TMEM272: variants seen among roughly 807,000 people sequenced by gnomAD.
The protein encoded by TMEM272 is transmembrane protein 272.
TMEM272 carries 8 observed loss-of-function variants against 3.7 expected under a neutral mutation model. The ratio of observed to expected loss-of-function variants is 2.17; its 90% CI spans 1.27 to 3.91. The LOEUF is 3.91. TMEM272 is among the 30% of genes most tolerant of loss of function. The pLI, the probability that TMEM272 is intolerant of heterozygous loss-of-function variation, is 0.00. For missense variants in TMEM272, 166 were observed against 91.5 expected, an observed-to-expected ratio of 1.81 and a Z score of -3.32; for synonymous variants, 63 against 39.8, an observed-to-expected ratio of 1.58 and a Z score of -2.20.
intron 1 of TMEM272, among the ~76,000 whole-genome samples, 156 bp from the exon 2 acceptor site, chr13:51,838,709 G>A (rs1261741688): frequency 6.6e-6 from 1 of 152,126 alleles, no homozygotes; most frequent in Admixed American, 6.5e-5. Context: ...CTTGTTAGTG[G>A]TTAGCGGGGC....
chr13:51,865,754 C>T, the TMEM272 span: 35,642 of 1,613,954 alleles, frequency 0.022, 1,701 homozygotes, highest in African/African-American at 0.18. Flanking sequence ...GAAAAAGTAC[C>T]GCACTTTCTG....
chr13:51,860,845 A>G, the TMEM272 span, among the ~76,000 whole-genome samples: 1 of 111,610 alleles, frequency 9.0e-6, no homozygotes, highest in East Asian at 3.2e-4. Flanking sequence ...GTGTGTATAT[A>G]TATGTATATA....
At chr13:51,859,381 A>G in the TMEM272 span, among the ~76,000 whole-genome samples, 1 of 152,100 alleles carries the variant, frequency 6.6e-6, no homozygotes, top group Non-Finnish European at 1.5e-5. Flanking sequence ...TGAGAAGGCC[A>G]TAATCTCTCA....
At chr13:51,899,504 G>C in the TMEM272 span, among the ~76,000 whole-genome samples, 2 of 151,044 alleles carry the variant, frequency 1.3e-5, no homozygotes, top group Admixed American at 6.6e-5. Context: ...ATTAAAGAAG[G>C]CCTAAATAAG....
the TMEM272 span, among the ~76,000 whole-genome samples, chr13:51,882,240 ATAAT>A: frequency 1.3e-5 from 2 of 152,328 alleles, no homozygotes; most frequent in African/African-American, 4.8e-5. Flanking sequence ...GCTGTTTTCA[ATAAT>A]TAATATATAC....
chr13:51,911,080 A>T, the TMEM272 span, among the ~76,000 whole-genome samples: 6,776 of 152,322 alleles, frequency 0.044, 216 homozygotes, highest in Middle Eastern at 0.068. Context: ...AGCAGTAGCT[A>T]ACTGAAATAC....
At chr13:51,884,458 T>A in the TMEM272 span, among the ~76,000 whole-genome samples, 1 of 152,230 alleles carries the variant, frequency 6.6e-6, no homozygotes, top group Admixed American at 6.5e-5. Context: ...TGAACAAATA[T>A]GTGAAATGAA....
At chr13:51,820,935 T>C (rs548099180) in intron 4 of TMEM272, among the ~76,000 whole-genome samples, 1 of 152,318 alleles carries the variant, frequency 6.6e-6, no homozygotes, top group African/African-American at 2.4e-5. Flanking sequence ...ACAGTGAGGT[T>C]ACCTCAAACA....
chr13:51,851,974 T>C, the TMEM272 span, among the ~76,000 whole-genome samples: 1 of 152,258 alleles, frequency 6.6e-6, no homozygotes, highest in African/African-American at 2.4e-5. Context: ...AGTATCTTTC[T>C]GTAATTGTGT....
At chr13:51,894,572 G>A in the TMEM272 span, among the ~76,000 whole-genome samples, 1 of 152,176 alleles carries the variant, frequency 6.6e-6, no homozygotes, top group Non-Finnish European at 1.5e-5. Flanking sequence ...TACAGCTGCA[G>A]GGTGAGAAGC....
the TMEM272 span, among the ~76,000 whole-genome samples, chr13:51,927,744 C>T: frequency 6.6e-6 from 1 of 152,198 alleles, no homozygotes; most frequent in Non-Finnish European, 1.5e-5. Flanking sequence ...CAGATGCTCC[C>T]TGAGAGCTTT....
In TMEM272 at chr13:51,839,155, G is replaced by A. The variant is rs192874097; in HGVS notation, c.-23-602C>T. 3.0e-3 allele frequency among the ~76,000 whole-genome samples: 457 copies of A among 152,208 alleles called. 6 individuals carry two copies. Among genetic ancestry groups the A allele is most frequent in the Admixed American group, 0.027 (411 of 15,286 alleles). ...GAGCAGCCTGGGTGGAGACCCGAGCGGCCTGGAGCACCACCCCGGCTCCCC... is the reference window on the plus strand; with the variant it reads ...GAGCAGCCTGGGTGGAGACCCGAGCAGCCTGGAGCACCACCCCGGCTCCCC... On this transcript the variant is annotated intron_variant, in intron 1 of 4. Transcript: ENST00000629372.
chr13:51,823,253 T>C (rs1285470806), intron 3 of TMEM272, among the ~76,000 whole-genome samples: 1 of 152,218 alleles, frequency 6.6e-6, no homozygotes, highest in Non-Finnish European at 1.5e-5. Flanking sequence ...TAATTCTTTT[T>C]TTCTTGTAGA....
chr13:51,918,334 C>T, the TMEM272 span, among the ~76,000 whole-genome samples: 1 of 152,210 alleles, frequency 6.6e-6, no homozygotes, highest in African/African-American at 2.4e-5. Context: ...GTGACTGACA[C>T]TTCCCGCTTT....
rs1328698442 is a variant in TMEM272 at position 51,815,876 on chromosome 13, A to G, written c.*875T>C. The G allele has an allele frequency of 6.6e-6, 1 of 152,214 alleles. No homozygotes were observed. The highest frequency in any genetic ancestry group is 6.5e-5 in the Admixed American group (1 of 15,282). 9.4% of individuals were successfully genotyped at this position (152,214 alleles called of 1,614,324 possible). On this transcript the variant is annotated 3_prime_UTR_variant, in exon 5 of 5. Transcript: ENST00000629372. ...CATTAGGTTGAGGAGCTATTATTCG[A>G]TATTTAAGCTCAGAAACCAAAAACA... is the stretch of plus-strand genomic sequence containing the variant.
At chr13:51,930,751 CAA>C in the TMEM272 span, among the ~76,000 whole-genome samples, 3 of 130,246 alleles carry the variant, frequency 2.3e-5, no homozygotes, top group Admixed American at 7.7e-5. Context: ...TTTTTTAGAG[CAA>C]AAAAAAAAAA....
At chr13:51,860,199 G>A in the TMEM272 span, among the ~76,000 whole-genome samples, 1 of 152,286 alleles carries the variant, frequency 6.6e-6, no homozygotes, top group South Asian at 2.1e-4. Flanking sequence ...ACCATGCCTG[G>A]CCTGAAACTG....
the TMEM272 span, among the ~76,000 whole-genome samples, chr13:51,868,762 A>G: frequency 6.6e-6 from 1 of 152,230 alleles, no homozygotes; most frequent in Non-Finnish European, 1.5e-5. Flanking sequence ...ATGGTGTTTC[A>G]GAGTCCTGCT....
chr13:51,864,097 T>G, the TMEM272 span, among the ~76,000 whole-genome samples: 2 of 144,538 alleles, frequency 1.4e-5, no homozygotes, highest in Admixed American at 6.9e-5. Context: ...CTTCCCTCCC[T>G]TCCTTCCTTC....
Sources: allele counts gnomAD v4.1 joint callset (sites outside exome capture counted in the v4.1 genomes callset), GRCh38; gene constraint gnomAD v4.1.1; transcripts MANE v1.5; gene names NCBI Gene and HGNC (gene_info 2026-07-23, HGNC 2026-07-21).